SNX30: variants seen among roughly 807,000 people sequenced by gnomAD.
SNX30 encodes sorting nexin family member 30, also known as sorting nexin-30.
Under a neutral mutation model 46.4 loss-of-function variants are expected in SNX30, and 24 were observed. The observed-to-expected ratio is 0.52, with a 90% CI of 0.37 to 0.73. The LOEUF is 0.73. SNX30 is among the 30% of genes least tolerant of loss of function. The pLI, the probability that SNX30 is intolerant of heterozygous loss-of-function variation, is 0.00. For synonymous variants in SNX30, 189 were observed against 211.5 expected (o/e 0.89, Z 0.92); for missense variants, 533 against 555.7 (o/e 0.96, Z 0.41).
At chr9:112,798,135 T>A (rs1840143293) in intron 1 of SNX30, among the ~76,000 whole-genome samples, 1 of 53,328 alleles carries the variant, frequency 1.9e-5, no homozygotes, top group Non-Finnish European at 4.3e-5. Context: ...TTTTTTTTTT[T>A]TTTTTATTAT....
downstream of SNX30, among the ~76,000 whole-genome samples, chr9:112,884,995 C>G (rs1360190813): frequency 1.3e-5 from 2 of 152,180 alleles, no homozygotes; most frequent in African/African-American, 4.8e-5. Context: ...TCAGCCAGGA[C>G]TCATACGAAA....
intron 3 of SNX30, among the ~76,000 whole-genome samples, chr9:112,820,057 A>C (rs1840468823): frequency 6.6e-6 from 1 of 152,216 alleles, no homozygotes; most frequent in Non-Finnish European, 1.5e-5. Context: ...CGCAAAGGTA[A>C]GACAGTGACA....
chr9:112,843,350 G>T (rs1384301598), intron 6 of SNX30, among the ~76,000 whole-genome samples: 1 of 152,108 alleles, frequency 6.6e-6, no homozygotes, highest in African/African-American at 2.4e-5. Context: ...GAATGACTGG[G>T]GTGGGGTGAG....
At chr9:112,775,729 G>A (rs1342131224) in intron 1 of SNX30, among the ~76,000 whole-genome samples, 2 of 151,172 alleles carry the variant, frequency 1.3e-5, no homozygotes, top group South Asian at 2.1e-4. Context: ...AATTTATGGG[G>A]AAACTTTATA....
At chr9:112,810,623 G>T (rs551567046) in intron 2 of SNX30, among the ~76,000 whole-genome samples, 7 of 152,164 alleles carry the variant, frequency 4.6e-5, no homozygotes, top group Admixed American at 6.5e-5. Flanking sequence ...TCTCCCTGGT[G>T]ACGGTCTGGG....
intron 1 of SNX30, among the ~76,000 whole-genome samples, chr9:112,778,270 C>CTT (rs1001151120): frequency 0.011 from 1,383 of 123,324 alleles, 36 homozygotes; most frequent in Middle Eastern, 0.018. Flanking sequence ...GGCCATATTC[C>CTT]TTTTTTTTTT....
At chr9:112,830,934 T>C in intron 4 of SNX30, 51 bp downstream of exon 4, 4 of 1,534,222 alleles carry the variant, frequency 2.6e-6, no homozygotes, top group Non-Finnish European at 2.6e-6. Flanking sequence ...TTCTTGGGGC[T>C]CTTTCCTAAA....
rs537054538 is a variant in SNX30, at chr9:112,852,097, C to T, written c.1101+1152C>T. On this transcript the variant is annotated intron_variant, in intron 7 of 8. Transcript: ENST00000374232. ...GAAGATCACAGGCCAGCTCGGAACT[C>T]GTCAGTGGGGCTGGCCATAGGCAGG... 8.2e-4 allele frequency among the ~76,000 whole-genome samples: 125 copies of T among 152,230 alleles called. 4 individuals carry two copies. In the South Asian group the frequency reaches 0.024, roughly 29 times the overall value.
At chr9:112,857,056 C>G (rs951289838) in intron 7 of SNX30, among the ~76,000 whole-genome samples, 18 of 152,172 alleles carry the variant, frequency 1.2e-4, no homozygotes, top group African/African-American at 4.1e-4. Flanking sequence ...GGGCGCGGGC[C>G]CCAGCAGCTG....
chr9:112,836,863 C>G (rs1014747027), intron 5 of SNX30, among the ~76,000 whole-genome samples: 5 of 152,116 alleles, frequency 3.3e-5, no homozygotes, highest in African/African-American at 4.8e-5. Flanking sequence ...ATTGACTCAC[C>G]CACCCCACCG....
chr9:112,817,401 CTTTTTTTTTTTTTTTTTTT>C (rs56856142), intron 2 of SNX30, among the ~76,000 whole-genome samples: 1 of 46,832 alleles, frequency 2.1e-5, no homozygotes, highest in African/African-American at 9.7e-5. Flanking sequence ...AAAAAACTGG[CTTTTTTTTTTTTTTTTTTT>C]TTTTTTTTTT....
chr9:112,753,273 A>G (rs1839304162), intron 1 of SNX30, among the ~76,000 whole-genome samples: 2 of 152,212 alleles, frequency 1.3e-5, no homozygotes, highest in Admixed American at 1.3e-4. Context: ...CCGTACCACC[A>G]AGATCTGGTT....
At chr9:112,864,589 G>T (rs1564296545) in intron 8 of SNX30, among the ~76,000 whole-genome samples, 190 bp downstream of exon 8, 1 of 152,218 alleles carries the variant, frequency 6.6e-6, no homozygotes, top group East Asian at 1.9e-4. Context: ...AGCAGAGGGG[G>T]TGCTCACAGG....
intron 8 of SNX30, among the ~76,000 whole-genome samples, chr9:112,868,521 C>T (rs532656067): frequency 6.6e-6 from 1 of 152,212 alleles, no homozygotes; most frequent in South Asian, 2.1e-4. Flanking sequence ...TTTCCATTCA[C>T]TGGATCTGAG....
chr9:112,798,375 G>A (rs1321311877), intron 1 of SNX30, among the ~76,000 whole-genome samples: 1 of 24,452 alleles, frequency 4.1e-5, no homozygotes, highest in African/African-American at 1.6e-4. Context: ...GAGAATATGC[G>A]GTGTTTGGTT....
At chr9:112,777,627 T>C (rs1839769574) in intron 1 of SNX30, among the ~76,000 whole-genome samples, 1 of 51,392 alleles carries the variant, frequency 1.9e-5, no homozygotes, top group Non-Finnish European at 4.1e-5. Flanking sequence ...TTTTTTTTTT[T>C]TGTGGAGATG....
intron 6 of SNX30, 99 bp downstream of exon 6, chr9:112,838,796 C>A (rs1840809537): frequency 2.5e-6 from 3 of 1,196,028 alleles, no homozygotes; most frequent in Non-Finnish European, 3.6e-6. Context: ...ATATAAGTTT[C>A]CTTCTTCCTG....
downstream of SNX30, among the ~76,000 whole-genome samples, chr9:112,875,536 A>G (rs1455105335): frequency 6.6e-6 from 1 of 152,230 alleles, no homozygotes; most frequent in African/African-American, 2.4e-5. Flanking sequence ...GCTTTAGGCA[A>G]GTCACACTTG....
chr9:112,879,942 G>C (rs1490458713), downstream of SNX30: 2 of 831,778 alleles, frequency 2.4e-6, no homozygotes, highest in Non-Finnish European at 4.0e-6. Context: ...GGTAGGCATT[G>C]ACCAAGGTGT....
Sources: allele counts gnomAD v4.1 joint callset (sites outside exome capture counted in the v4.1 genomes callset), GRCh38; gene constraint gnomAD v4.1.1; transcripts MANE v1.5; gene names NCBI Gene and HGNC (gene_info 2026-07-23, HGNC 2026-07-21).